The following UMAD1 variants were observed in gnomAD, a reference collection of about 807,000 sequenced individuals.
UMAD1 encodes the protein UBAP1-MVB12-associated (UMA)-domain containing protein 1.
In UMAD1, 8 loss-of-function variants were observed where a neutral mutation model predicts 6.1. The observed-to-expected ratio is 1.30, with a 90% CI of 0.76 to 2.35. The LOEUF (loss-of-function observed/expected upper bound fraction) is 2.35, where lower values mean the gene tolerates loss of function less well. Among genes scored for constraint, UMAD1 ranks in the 30% most tolerant of loss-of-function variants. The pLI is 0.00. For missense variants in UMAD1, 130 were observed against 78.4 expected, an observed-to-expected ratio of 1.66 and a Z score of -2.49; for synonymous variants, 56 against 31.4, an observed-to-expected ratio of 1.78 and a Z score of -2.61.
intron 3 of UMAD1, among the ~76,000 whole-genome samples, chr7:7,857,746 G>A (rs767155969): frequency 3.3e-5 from 5 of 152,150 alleles, no homozygotes; most frequent in Non-Finnish European, 7.4e-5. Flanking sequence ...ATATCGAGCT[G>A]GATATAAAAA....
In UMAD1 at chr7:7,879,080, C is replaced by G. The variant is rs1042872811; in HGVS notation, c.*1542C>G. 6.6e-6 allele frequency: 1 copy of G among 151,996 alleles called. No individual in the cohort carries two copies. Among genetic ancestry groups the G allele is most frequent in the African/African-American group, 2.4e-5 (1 of 41,396 alleles). 9.4% of individuals were successfully genotyped at this position (151,996 alleles called of 1,614,324 possible). On this transcript the variant is annotated 3_prime_UTR_variant, in exon 4 of 4. Transcript: ENST00000682710. ...TGTCTAATTTTGTGTGAAATTTTGT[C>G]GAAAATACCTAAACATTTCATCTAT...
intron 2 of UMAD1, among the ~76,000 whole-genome samples, chr7:7,777,152 T>C (rs918716210): frequency 6.6e-6 from 1 of 152,182 alleles, no homozygotes; most frequent in African/African-American, 2.4e-5. Context: ...GACTGTACCA[T>C]ACTTTATTTA....
chr7:7,858,472 C>T (rs58640515), intron 3 of UMAD1, among the ~76,000 whole-genome samples: 311 of 152,332 alleles, frequency 2.0e-3, no homozygotes, highest in African/African-American at 7.0e-3. Context: ...GAAATTATAG[C>T]TGTTCACTTT....
At chr7:7,871,108 A>G (rs1784323777) in intron 3 of UMAD1, among the ~76,000 whole-genome samples, 1 of 152,134 alleles carries the variant, frequency 6.6e-6, no homozygotes, top group African/African-American at 2.4e-5. Flanking sequence ...TGGTAGATTC[A>G]TTTCCAGGGA....
At chr7:7,859,310 G>A (rs1208444162) in intron 3 of UMAD1, among the ~76,000 whole-genome samples, 2 of 152,088 alleles carry the variant, frequency 1.3e-5, no homozygotes, top group African/African-American at 4.8e-5. Flanking sequence ...GCACTTATCT[G>A]TATTTTTCTT....
Position 7,768,469 on chromosome 7 carries a change from C to T in UMAD1, c.83-33201C>T, listed in dbSNP as rs988859601. Among the ~76,000 whole-genome samples the T allele has an allele frequency of 5.8e-4, 88 of 152,158 alleles. 2 individuals carry two copies. The highest frequency in any genetic ancestry group is 2.0e-4 in the Admixed American group (3 of 15,274). On this transcript the variant is annotated intron_variant, in intron 2 of 3. Coordinates refer to ENST00000682710, the MANE Select transcript of UMAD1 (RefSeq NM_001302348.2). ...TCTTACATGTCTAGGCTGTTTGCTTCCTCGGACCATGTTCCTGGATCACTT... is the reference window on the plus strand; with the variant it reads ...TCTTACATGTCTAGGCTGTTTGCTTTCTCGGACCATGTTCCTGGATCACTT...
intron 2 of UMAD1, among the ~76,000 whole-genome samples, chr7:7,726,133 A>T (rs970038934): frequency 4.6e-5 from 7 of 152,216 alleles, no homozygotes; most frequent in African/African-American, 1.7e-4. Flanking sequence ...TTGGTGACAA[A>T]GAAAATTGGG....
intron 3 of UMAD1, among the ~76,000 whole-genome samples, chr7:7,858,923 C>A (rs1331031633): frequency 1.3e-5 from 2 of 152,090 alleles, no homozygotes; most frequent in African/African-American, 4.8e-5. Flanking sequence ...ACTTTATCAC[C>A]TTGCTGTTTA....
At chr7:7,750,947 C>A (rs868610704) in intron 2 of UMAD1, among the ~76,000 whole-genome samples, 90 of 152,214 alleles carry the variant, frequency 5.9e-4, no homozygotes, top group African/African-American at 2.0e-3. Flanking sequence ...GAAGTAATGA[C>A]CCCCATAATA....
intron 2 of UMAD1, among the ~76,000 whole-genome samples, chr7:7,792,128 C>T (rs765644121): frequency 1.1e-4 from 17 of 152,264 alleles, no homozygotes; most frequent in South Asian, 8.3e-4. Context: ...TTGCCAATTT[C>T]GGGTGTTAAT....
At chr7:7,687,960 T>C (rs1470039067) in intron 2 of UMAD1, among the ~76,000 whole-genome samples, 1 of 152,206 alleles carries the variant, frequency 6.6e-6, no homozygotes, top group Admixed American at 6.5e-5. Context: ...AAAGGAAAAC[T>C]GTAACCCCTG....
At chr7:7,771,217 T>C (rs1484999309) in intron 2 of UMAD1, among the ~76,000 whole-genome samples, 1 of 152,000 alleles carries the variant, frequency 6.6e-6, no homozygotes, top group Non-Finnish European at 1.5e-5. Flanking sequence ...ACCCAATAAC[T>C]ATGTATTACA....
At chr7:7,675,600 G>C (rs1327273901) in intron 2 of UMAD1, among the ~76,000 whole-genome samples, 2 of 152,060 alleles carry the variant, frequency 1.3e-5, no homozygotes, top group African/African-American at 2.4e-5. Context: ...TCCAAATTTC[G>C]TATTTTAAGA....
At chr7:7,757,155 A>T (rs1563182166) in intron 2 of UMAD1, among the ~76,000 whole-genome samples, 1 of 152,188 alleles carries the variant, frequency 6.6e-6, no homozygotes, top group Admixed American at 6.5e-5. Flanking sequence ...TTCATAAGCA[A>T]CTATCAATTA....
chr7:7,827,348 G>A (rs12533670), intron 3 of UMAD1, among the ~76,000 whole-genome samples: 28,541 of 151,900 alleles, frequency 0.19, 3,162 homozygotes, highest in African/African-American at 0.3. Flanking sequence ...AGGTAGATTA[G>A]TAGATTTGGC....
intron 2 of UMAD1, among the ~76,000 whole-genome samples, chr7:7,709,809 T>C (rs1052701414): frequency 3.3e-5 from 5 of 152,140 alleles, no homozygotes; most frequent in African/African-American, 4.8e-5. Context: ...TGAGAACATA[T>C]TCAGAATGAC....
rs1438062416 is a variant in UMAD1, at chr7:7,778,259, TGTGTGTGTGTGTGTGTGA to T, written c.83-23409_83-23392del. Among the ~76,000 whole-genome samples the T allele has an allele frequency of 7.8e-5, 11 of 140,610 alleles. 1 individual carries two copies. The highest frequency in any genetic ancestry group is 2.3e-4 in the Admixed American group (3 of 13,332). The allele number at this position is 140,610 out of a possible 152,430, so 92.2% of individuals were successfully genotyped here. On this transcript the variant is annotated intron_variant, in intron 2 of 3. Coordinates refer to ENST00000682710, the MANE Select transcript of UMAD1 (RefSeq NM_001302348.2). ...GTGTGTGTGTGTGTGTGTGTGTGTGTGTGTGTGTGTGTGTGTGAGAGAGAGAGAGAGAGAGAGACAGAG... is the reference window on the plus strand; with the variant it reads ...GTGTGTGTGTGTGTGTGTGTGTGTGTGAGAGAGAGAGAGAGAGAGACAGAG...
intron 2 of UMAD1, among the ~76,000 whole-genome samples, chr7:7,755,504 C>T (rs1378806407): frequency 1.3e-5 from 2 of 152,174 alleles, no homozygotes; most frequent in Admixed American, 6.5e-5. Context: ...TTCTCTTTCA[C>T]ATCTGGTGGC....
intron 2 of UMAD1, among the ~76,000 whole-genome samples, chr7:7,708,384 T>A (rs1023251748): frequency 6.6e-6 from 1 of 152,200 alleles, no homozygotes; most frequent in Non-Finnish European, 1.5e-5. Context: ...TAGAGAGATA[T>A]ATATTATAAA....
Sources: allele counts gnomAD v4.1 joint callset (sites outside exome capture counted in the v4.1 genomes callset), GRCh38; gene constraint gnomAD v4.1.1; transcripts MANE v1.5; gene names NCBI Gene and HGNC (gene_info 2026-07-23, HGNC 2026-07-21).